Variants in MLLT10 observed in about 807,000 individuals in gnomAD.
MLLT10 encodes MLLT10 histone lysine methyltransferase DOT1L cofactor, also known as protein AF-10.
A neutral mutation model predicts 129.1 loss-of-function variants in MLLT10; 30 were observed. The observed-to-expected ratio is 0.23, with a 90% CI of 0.17 to 0.32. The LOEUF (loss-of-function observed/expected upper bound fraction) is 0.32. Ranked by LOEUF, MLLT10 falls within the 10% of genes least tolerant of loss-of-function variation. MLLT10 has a pLI of 1.00. For missense variants in MLLT10, 1,119 were observed against 1,268.3 expected, an observed-to-expected ratio of 0.88 and a Z score of 1.79; for synonymous variants, 490 against 446.4, an observed-to-expected ratio of 1.10 and a Z score of -1.23.
intron 22 of MLLT10, 94 bp from the exon 23 acceptor site, chr10:21,741,845 T>G (rs2131602449): frequency 7.3e-7 from 1 of 1,361,078 alleles, no homozygotes; most frequent in Admixed American, 1.9e-5. Context: ...AGTAACTTTC[T>G]ATACCACATT....
intron 21 of MLLT10, among the ~76,000 whole-genome samples, chr10:21,738,791 C>A (rs1290879259): frequency 6.6e-6 from 1 of 152,146 alleles, no homozygotes; most frequent in Non-Finnish European, 1.5e-5. Flanking sequence ...TACTACCTAA[C>A]TGGTCATTCC....
At chr10:21,576,945 G>C (rs1227104584) in intron 3 of MLLT10, among the ~76,000 whole-genome samples, 1 of 152,052 alleles carries the variant, frequency 6.6e-6, no homozygotes, top group Non-Finnish European at 1.5e-5. Context: ...GTTTTGTTTT[G>C]AAACAGTGTC....
chr10:21,598,384 CCTG>C (rs965611054), intron 5 of MLLT10, among the ~76,000 whole-genome samples: 2 of 152,090 alleles, frequency 1.3e-5, no homozygotes, highest in African/African-American at 4.8e-5. Context: ...TTGTGTTATT[CCTG>C]CTGTAGTTCT....
chr10:21,554,620 AT>A (rs767874584), intron 3 of MLLT10, among the ~76,000 whole-genome samples: 480 of 141,748 alleles, frequency 3.4e-3, no homozygotes, highest in Middle Eastern at 3.7e-3. Context: ...CGCCCGGCTA[AT>A]TTTTTTTTTT....
intron 14 of MLLT10, among the ~76,000 whole-genome samples, chr10:21,718,982 A>G (rs1248083028): frequency 1.3e-5 from 2 of 152,180 alleles, no homozygotes; most frequent in African/African-American, 4.8e-5. Flanking sequence ...TTGGCCTCCC[A>G]AAGTGCTGGG....
At chr10:21,738,414 C>G (rs1330102352) in intron 21 of MLLT10, 1 of 1,288,852 alleles carries the variant, frequency 7.8e-7, no homozygotes, top group African/African-American at 1.5e-5. Flanking sequence ...GCATGTGTAG[C>G]TGTCTCATTT....
intron 8 of MLLT10, among the ~76,000 whole-genome samples, chr10:21,635,418 T>C (rs564688892): frequency 6.6e-6 from 1 of 152,172 alleles, no homozygotes; most frequent in Non-Finnish European, 1.5e-5. Context: ...TTGCCCAGGC[T>C]GGAGTGCAGT....
chr10:21,613,032 A>G (rs1296808488), intron 6 of MLLT10, among the ~76,000 whole-genome samples: 1 of 152,048 alleles, frequency 6.6e-6, no homozygotes, highest in Admixed American at 6.5e-5. Context: ...TGTCTCTACT[A>G]AAAACACAAA....
intron 8 of MLLT10, chr10:21,626,072 TC>T: frequency 6.4e-7 from 1 of 1,563,682 alleles, no homozygotes; most frequent in East Asian, 2.2e-5. Flanking sequence ...GATCTTCACT[TC>T]ATCAGGTCCC....
intron 8 of MLLT10, chr10:21,626,377 C>A (rs2046438628): frequency 1.7e-5 from 11 of 638,490 alleles, no homozygotes; most frequent in Non-Finnish European, 2.8e-5. Flanking sequence ...TGCCACCCCC[C>A]AAGTCTATGA....
chr10:21,648,328 A>G (rs2048706334), intron 8 of MLLT10, among the ~76,000 whole-genome samples: 1 of 152,206 alleles, frequency 6.6e-6, no homozygotes. Context: ...ACAGAGGACC[A>G]GAGTTCTTTA....
At chr10:21,574,058 T>A (rs2040486210) in intron 3 of MLLT10, among the ~76,000 whole-genome samples, 1 of 152,154 alleles carries the variant, frequency 6.6e-6, no homozygotes, top group South Asian at 2.1e-4. Flanking sequence ...TGGAAATACT[T>A]GTGTGAGATT....
intron 3 of MLLT10, among the ~76,000 whole-genome samples, chr10:21,542,284 T>C (rs1166466914): frequency 1.3e-5 from 2 of 152,056 alleles, no homozygotes; most frequent in Middle Eastern, 3.2e-3. Flanking sequence ...AAAGGTGTAT[T>C]AGGGCTGGGC....
At chr10:21,535,939 T>C (rs1437884248) in intron 2 of MLLT10, among the ~76,000 whole-genome samples, 4 of 152,218 alleles carry the variant, frequency 2.6e-5, no homozygotes, top group Admixed American at 1.3e-4. Context: ...CTTTTATTTT[T>C]TTACTTTTTA....
At chr10:21,561,421 C>T (rs1292408291) in intron 3 of MLLT10, among the ~76,000 whole-genome samples, 8 of 152,004 alleles carry the variant, frequency 5.3e-5, no homozygotes, top group Non-Finnish European at 7.4e-5. Flanking sequence ...CCACCACACC[C>T]GGCTAATTTT....
intron 9 of MLLT10, among the ~76,000 whole-genome samples, chr10:21,652,844 T>C (rs2049180337): frequency 6.6e-6 from 1 of 152,118 alleles, no homozygotes; most frequent in Non-Finnish European, 1.5e-5. Flanking sequence ...AGAGAGATGG[T>C]GGTAAAAACA....
chr10:21,688,397 A>C, intron 13 of MLLT10: 2 of 1,035,628 alleles, frequency 1.9e-6, no homozygotes, highest in Non-Finnish European at 3.0e-6. Flanking sequence ...ACTGCACCCC[A>C]TCATAATATC....
At chr10:21,545,713 G>T (rs1337563133) in intron 3 of MLLT10, among the ~76,000 whole-genome samples, 3 of 151,964 alleles carry the variant, frequency 2.0e-5, no homozygotes, top group African/African-American at 4.8e-5. Context: ...TTTTGCCCAC[G>T]CTGGAATCAG....
At chr10:21,722,382 TG>T (rs1268834653) in intron 14 of MLLT10, among the ~76,000 whole-genome samples, 2 of 152,248 alleles carry the variant, frequency 1.3e-5, no homozygotes, top group Non-Finnish European at 2.9e-5. Flanking sequence ...AACAGTCTTC[TG>T]GTATATTAGT....
Sources: gnomAD v4.1 joint callset for allele counts (sites outside exome capture counted in the v4.1 genomes callset) on GRCh38, gnomAD v4.1.1 for gene constraint, MANE v1.5 for transcripts, NCBI Gene and HGNC (gene_info 2026-07-23, HGNC 2026-07-21) for gene names.